DLGAP1: variants seen among roughly 807,000 people sequenced by gnomAD.
The protein encoded by DLGAP1 is DLG associated protein 1.
DLGAP1 carries 11 observed loss-of-function variants against 90.8 expected under a neutral mutation model. The observed-to-expected ratio is 0.12, with a 90% confidence interval of 0.08 to 0.20. The LOEUF (loss-of-function observed/expected upper bound fraction) is 0.20, where lower values mean the gene tolerates loss of function less well. Among genes scored for constraint, DLGAP1 ranks in the 10% least tolerant of loss-of-function variants. The pLI is 1.00. For synonymous variants in DLGAP1, 558 were observed against 540.7 expected (o/e 1.03, Z -0.44); for missense variants, 1,050 against 1,333.8 (o/e 0.79, Z 3.31).
At chr18:3,928,636 A>G (rs2119844) in intron 3 of DLGAP1, among the ~76,000 whole-genome samples, 145,631 of 152,200 alleles carry the variant, frequency 0.96, 69,776 homozygotes, top group East Asian at 1. Flanking sequence ...ATCACCCCCC[A>G]ATTTATAGAG....
chr18:3,549,781 A>G (rs1413575364), intron 9 of DLGAP1, among the ~76,000 whole-genome samples: 1 of 152,206 alleles, frequency 6.6e-6, no homozygotes, highest in East Asian at 1.9e-4. Context: ...ATCATTCACA[A>G]CTGAATATGT....
At chr18:4,246,412 C>T (rs1400978715) in intron 1 of DLGAP1, among the ~76,000 whole-genome samples, 1 of 152,170 alleles carries the variant, frequency 6.6e-6, no homozygotes, top group Non-Finnish European at 1.5e-5. Context: ...TAAAAGTGCA[C>T]ACTAACTGTA....
intron 7 of DLGAP1, among the ~76,000 whole-genome samples, chr18:3,661,098 A>G (rs899335612): frequency 1.3e-5 from 2 of 152,170 alleles, no homozygotes; most frequent in East Asian, 1.9e-4. Context: ...AAGTTTCACT[A>G]TGTTTCTTAG....
Position 3,496,943 on chromosome 18 carries a change from C to G in DLGAP1, c.*2242G>C, listed in dbSNP as rs770519071. The G allele has an allele frequency of 7.2e-5, 11 of 152,122 alleles. No individual in the cohort carries two copies. Among genetic ancestry groups the G allele is most frequent in the Non-Finnish European group, 1.0e-4 (7 of 68,026 alleles). The allele number at this position is 152,122 out of a possible 1,614,324, so 9.4% of individuals were successfully genotyped here. ...CGTTCACTTAGACAAGATAAATAGGCCTTCTCTTGTCTCTCTTTAAAATAT... is the reference window on the plus strand; with the variant it reads ...CGTTCACTTAGACAAGATAAATAGGGCTTCTCTTGTCTCTCTTTAAAATAT... On this transcript the variant is annotated 3_prime_UTR_variant, in exon 13 of 13. Transcript: ENST00000315677.
At chr18:3,695,318 G>T (rs2061055733) in intron 7 of DLGAP1, among the ~76,000 whole-genome samples, 1 of 152,098 alleles carries the variant, frequency 6.6e-6, no homozygotes. Flanking sequence ...TTTTCTTCTA[G>T]AGTTTTTACG....
chr18:4,194,953 C>G (rs2077468760), intron 1 of DLGAP1, among the ~76,000 whole-genome samples: 1 of 152,096 alleles, frequency 6.6e-6, no homozygotes, highest in South Asian at 2.1e-4. Flanking sequence ...GAAATTTATT[C>G]TTTTACTTTG....
At chr18:4,201,623 A>G (rs2077608212) in intron 1 of DLGAP1, among the ~76,000 whole-genome samples, 3 of 152,114 alleles carry the variant, frequency 2.0e-5, no homozygotes, top group Non-Finnish European at 4.4e-5. Flanking sequence ...ACAAATCACC[A>G]AGAAAAAAAA....
intron 4 of DLGAP1, among the ~76,000 whole-genome samples, chr18:3,875,286 G>A (rs898095430): frequency 6.6e-6 from 1 of 152,192 alleles, no homozygotes; most frequent in Non-Finnish European, 1.5e-5. Flanking sequence ...ACGGAGTTGG[G>A]TAGATTTGGG....
Position 3,639,848 on chromosome 18 carries a change from G to A in DLGAP1, c.1592-57600C>T, listed in dbSNP as rs557200789. On this transcript the variant is annotated intron_variant, in intron 7 of 12. Transcript: ENST00000315677. The stretch of plus-strand genomic sequence containing the variant: ...CGGCTCACTGCAAGCTCCGCCTCCT[G>A]GGTTCACGCCATTCTCCTGCCTCAG... Among the ~76,000 whole-genome samples, 242 of 135,792 alleles carry A rather than the reference G, an allele frequency of 1.8e-3. 16 individuals are homozygous for A. Among genetic ancestry groups the A allele is most frequent in the African/African-American group, 6.7e-3 (232 of 34,704 alleles). The allele number at this position is 135,792 out of a possible 152,430, so 89.1% of individuals were successfully genotyped here. A position where few individuals can be genotyped will look rare whatever the true frequency, so the allele number is the denominator to read the frequency against.
intron 1 of DLGAP1, among the ~76,000 whole-genome samples, chr18:4,338,883 T>C (rs2081130027): frequency 6.6e-6 from 1 of 152,196 alleles, no homozygotes; most frequent in South Asian, 2.1e-4. Context: ...CCTATTATTA[T>C]AGCGGACCTT....
intron 3 of DLGAP1, chr18:3,894,666 G>C (rs2071569213): frequency 6.6e-6 from 1 of 152,070 alleles, no homozygotes; most frequent in Non-Finnish European, 1.5e-5. Flanking sequence ...GGCAGTTTAG[G>C]CTCTTTTTTG....
intron 1 of DLGAP1, among the ~76,000 whole-genome samples, chr18:4,391,194 A>G (rs562063505): frequency 6.6e-6 from 1 of 152,172 alleles, no homozygotes; most frequent in Non-Finnish European, 1.5e-5. Flanking sequence ...CTCAAATGCA[A>G]GCATTTGTTT....
intron 1 of DLGAP1, among the ~76,000 whole-genome samples, chr18:4,232,176 C>T (rs2078313265): frequency 6.6e-6 from 1 of 152,012 alleles, no homozygotes; most frequent in South Asian, 2.1e-4. Context: ...CCAAGAATTC[C>T]CGCCATCCAA....
In DLGAP1 at chr18:3,534,456, G is replaced by T; in HGVS notation, c.2217C>A (p.Val739=). 1 of 1,614,182 alleles carries T rather than the reference G, an allele frequency of 6.2e-7. No homozygotes were observed. Among genetic ancestry groups the T allele is most frequent in the South Asian group, 1.1e-5 (1 of 91,078 alleles). The change falls in exon 10 of 13, where the codon GTC becomes GTA. Residue 739 remains valine (V), a synonymous_variant. Coordinates refer to ENST00000315677, the MANE Select transcript of DLGAP1 (RefSeq NM_004746.4). ...AATGGTTTCCTGAGCCCTGAATGCT[G>T]ACTGTGGAGGTGCTGGCATCGCGGG... ...QFSRDASTST[V]SIQGSGNHYH...
chr18:4,124,051 T>C (rs767217890), intron 2 of DLGAP1, among the ~76,000 whole-genome samples: 1 of 152,168 alleles, frequency 6.6e-6, no homozygotes, highest in Non-Finnish European at 1.5e-5. Context: ...TGAACAGATA[T>C]TGCTGAACTA....
chr18:4,280,018 T>C (rs951774297), intron 1 of DLGAP1, among the ~76,000 whole-genome samples: 6 of 152,226 alleles, frequency 3.9e-5, no homozygotes, highest in Non-Finnish European at 8.8e-5. Context: ...TCTTAAGCTA[T>C]TTTCTTGCAG....
chr18:3,772,395 T>C (rs2064706649), intron 5 of DLGAP1, among the ~76,000 whole-genome samples: 1 of 32,042 alleles, frequency 3.1e-5, no homozygotes, highest in African/African-American at 8.2e-5. Context: ...TTTCTTTCTT[T>C]CTTTCTTTCT....
intron 2 of DLGAP1, among the ~76,000 whole-genome samples, chr18:4,108,307 C>A (rs1420692709): frequency 1.3e-5 from 2 of 152,196 alleles, no homozygotes; most frequent in African/African-American, 4.8e-5. Context: ...CATTAGATCA[C>A]ACCCATTGGT....
At chr18:3,568,794 C>G (rs2054582785) in intron 8 of DLGAP1, among the ~76,000 whole-genome samples, 1 of 151,820 alleles carries the variant, frequency 6.6e-6, no homozygotes, top group African/African-American at 2.4e-5. Flanking sequence ...TCACACCATT[C>G]TCCTGCCTCA....
Sources: allele counts gnomAD v4.1 joint callset (sites outside exome capture counted in the v4.1 genomes callset), GRCh38; gene constraint gnomAD v4.1.1; transcripts MANE v1.5; gene names NCBI Gene and HGNC (gene_info 2026-07-23, HGNC 2026-07-21).